Variants in CRIM1 observed in about 807,000 individuals in gnomAD.
CRIM1 encodes the protein cysteine rich transmembrane BMP regulator 1.
CRIM1 carries 32 observed loss-of-function variants against 116.4 expected under a neutral mutation model. The ratio of observed to expected loss-of-function variants is 0.27; its 90% CI spans 0.21 to 0.37. The LOEUF (loss-of-function observed/expected upper bound fraction) is 0.37. Among genes scored for constraint, CRIM1 ranks in the 10% least tolerant of loss-of-function variants. CRIM1 has a pLI of 1.00. For synonymous variants in CRIM1, 590 were observed against 509.2 expected, an observed-to-expected ratio of 1.16 and a Z score of -2.13; for missense variants, 1,331 against 1,354.8, an observed-to-expected ratio of 0.98 and a Z score of 0.28.
At chr2:36,418,440 C>T (rs1181008398) in intron 2 of CRIM1, among the ~76,000 whole-genome samples, 1 of 152,156 alleles carries the variant, frequency 6.6e-6, no homozygotes, top group African/African-American at 2.4e-5. Flanking sequence ...GTGCACACCA[C>T]CCTGCCTGGC....
chr2:36,448,785 T>C (rs1232925178), intron 4 of CRIM1, among the ~76,000 whole-genome samples: 4 of 152,230 alleles, frequency 2.6e-5, no homozygotes, highest in Non-Finnish European at 5.9e-5. Flanking sequence ...CCAGCTATTT[T>C]AAGGTAGAAA....
chr2:36,372,031 T>C (rs778686451), intron 1 of CRIM1, among the ~76,000 whole-genome samples: 3 of 152,210 alleles, frequency 2.0e-5, no homozygotes, highest in Non-Finnish European at 4.4e-5. Flanking sequence ...TTAAGAAACA[T>C]GTACTGAATG....
chr2:36,457,555 G>A (rs1177927048), intron 4 of CRIM1, among the ~76,000 whole-genome samples: 6 of 152,068 alleles, frequency 3.9e-5, no homozygotes, highest in Non-Finnish European at 7.4e-5. Context: ...AAATCACGCA[G>A]GAATAAGCTT....
intron 2 of CRIM1, among the ~76,000 whole-genome samples, chr2:36,434,410 G>A (rs1250938961): frequency 6.6e-6 from 1 of 152,236 alleles, no homozygotes. Flanking sequence ...GAGTAGGAAA[G>A]TTGAAGCTCT....
intron 2 of CRIM1, among the ~76,000 whole-genome samples, chr2:36,411,535 A>G (rs1414488683): frequency 6.6e-6 from 1 of 152,238 alleles, no homozygotes; most frequent in African/African-American, 2.4e-5. Flanking sequence ...CATTGTATAC[A>G]AATATGTCCC....
intron 2 of CRIM1, among the ~76,000 whole-genome samples, chr2:36,404,528 A>G (rs898962077): frequency 1.3e-5 from 2 of 152,226 alleles, no homozygotes; most frequent in Non-Finnish European, 2.9e-5. Flanking sequence ...TGATTCATTC[A>G]TGCATTTATT....
intron 7 of CRIM1, among the ~76,000 whole-genome samples, chr2:36,488,045 T>C (rs930154825): frequency 1.3e-5 from 2 of 152,220 alleles, no homozygotes; most frequent in African/African-American, 2.4e-5. Context: ...AGTTATACCA[T>C]ACTGTTTCCT....
In CRIM1 at chr2:36,513,638, C is replaced by T; in HGVS notation, c.1863C>T (p.Ser621=). 2.5e-6 allele frequency: 4 copies of T among 1,614,186 alleles called. No homozygotes were observed. The highest frequency in any genetic ancestry group is 3.4e-6 in the Non-Finnish European group (4 of 1,180,026). The change falls in exon 11 of 17, where the codon AGC becomes AGT. Residue 621 remains serine (S), a synonymous_variant. Transcript: ENST00000280527. ...VDGHHHKNEE[S]WHDGCRECYC... ...GTCATCATCATAAAAATGAGGAGAG[C>T]TGGCACGATGGGTGCCGGGAATGCT...
At chr2:36,376,349 C>G (rs896713169) in intron 1 of CRIM1, among the ~76,000 whole-genome samples, 1 of 152,180 alleles carries the variant, frequency 6.6e-6, no homozygotes, top group Admixed American at 6.5e-5. Flanking sequence ...GATAGTGAAG[C>G]CTCCGTGACC....
At chr2:36,536,600 C>T (rs1666573446) in intron 13 of CRIM1, among the ~76,000 whole-genome samples, 1 of 152,012 alleles carries the variant, frequency 6.6e-6, no homozygotes, top group Non-Finnish European at 1.5e-5. Flanking sequence ...GAAATGTGGC[C>T]ACTAGGGAGT....
chr2:36,417,198 G>T (rs1167196736), intron 2 of CRIM1, among the ~76,000 whole-genome samples: 1 of 152,088 alleles, frequency 6.6e-6, no homozygotes, highest in Non-Finnish European at 1.5e-5. Flanking sequence ...TAAATGCTTT[G>T]TAACTTTTTC....
chr2:36,470,214 T>C (rs1432695469), intron 5 of CRIM1, among the ~76,000 whole-genome samples: 1 of 152,216 alleles, frequency 6.6e-6, no homozygotes, highest in Non-Finnish European at 1.5e-5. Context: ...ACATCCTCCA[T>C]GAATAGTCCT....
intron 2 of CRIM1, among the ~76,000 whole-genome samples, chr2:36,411,710 G>A (rs2148416229): frequency 6.6e-6 from 1 of 151,900 alleles, no homozygotes; most frequent in African/African-American, 2.4e-5. Flanking sequence ...GCTATTAAAT[G>A]TGACAGTGCC....
chr2:36,537,573 G>A, intron 14 of CRIM1, 27 bp downstream of exon 14: 1 of 1,567,360 alleles, frequency 6.4e-7, no homozygotes, highest in Non-Finnish European at 8.6e-7. Context: ...CCTTCCATTT[G>A]TCAAGCTGTA....
chr2:36,431,334 C>G (rs1674875369), intron 2 of CRIM1, among the ~76,000 whole-genome samples: 1 of 152,122 alleles, frequency 6.6e-6, no homozygotes. Flanking sequence ...CTTTTACTCT[C>G]CAAGGCAGTC....
intron 1 of CRIM1, among the ~76,000 whole-genome samples, chr2:36,395,379 T>C (rs1313176110): frequency 6.6e-6 from 1 of 152,210 alleles, no homozygotes; most frequent in Non-Finnish European, 1.5e-5. Context: ...ATTCAGGTAC[T>C]TTAAAAAATT....
intron 1 of CRIM1, among the ~76,000 whole-genome samples, chr2:36,373,852 G>A (rs775598791): frequency 6.6e-6 from 1 of 152,154 alleles, no homozygotes; most frequent in African/African-American, 2.4e-5. Context: ...AGTCTGTTAT[G>A]TCCATTCTTC....
At chr2:36,416,326 A>G (rs1254881570) in intron 2 of CRIM1, among the ~76,000 whole-genome samples, 1 of 152,180 alleles carries the variant, frequency 6.6e-6, no homozygotes, top group African/African-American at 2.4e-5. Context: ...TAAATTATAA[A>G]AGATAACTTT....
intron 13 of CRIM1, among the ~76,000 whole-genome samples, chr2:36,524,379 T>G (rs1665614134): frequency 1.3e-5 from 2 of 152,222 alleles, no homozygotes; most frequent in African/African-American, 2.4e-5. Context: ...TAAGCTATTC[T>G]TTCAGGCTGG....
Sources: allele counts gnomAD v4.1 joint callset (sites outside exome capture counted in the v4.1 genomes callset), GRCh38; gene constraint gnomAD v4.1.1; transcripts MANE v1.5; gene names NCBI Gene and HGNC (gene_info 2026-07-23, HGNC 2026-07-21).